Variants in PKN2 observed in about 807,000 individuals in gnomAD.
The protein encoded by PKN2 is serine/threonine-protein kinase N2.
A neutral mutation model predicts 119.1 loss-of-function variants in PKN2; 38 were observed. That is an observed-to-expected ratio of 0.32 (90% confidence interval 0.25 to 0.42). The LOEUF (loss-of-function observed/expected upper bound fraction) is 0.42, where lower values mean the gene tolerates loss of function less well. Ranked by LOEUF, PKN2 falls within the 10% of genes least tolerant of loss-of-function variation. The probability of loss-of-function intolerance (pLI) is 1.00; values close to 1 mark genes in which losing one functional copy is unlikely to be tolerated. For synonymous variants in PKN2, 390 were observed against 384.9 expected (o/e 1.01, Z -0.15); for missense variants, 850 against 1,165.1 (o/e 0.73, Z 3.94).
At chr1:88,699,252 G>T (rs183009414) in intron 1 of PKN2, among the ~76,000 whole-genome samples, 1 of 152,088 alleles carries the variant, frequency 6.6e-6, no homozygotes, top group Admixed American at 6.5e-5. Flanking sequence ...TTGGGAGATT[G>T]CCTTTATTTT....
At chr1:88,808,360 C>CA (rs1671644031) in intron 15 of PKN2, among the ~76,000 whole-genome samples, 2 of 151,974 alleles carry the variant, frequency 1.3e-5, no homozygotes, top group South Asian at 4.1e-4. Flanking sequence ...GGCTGGAGTG[C>CA]AGTGGTGCCA....
intron 6 of PKN2, among the ~76,000 whole-genome samples, chr1:88,772,342 G>A (rs1006913918): frequency 6.6e-6 from 1 of 152,156 alleles, no homozygotes; most frequent in African/African-American, 2.4e-5. Context: ...TTTAATGTCT[G>A]AATAGTATTC....
chr1:88,684,819 C>G (rs1488000196), intron 1 of PKN2, 191 bp downstream of exon 1: 3 of 520,558 alleles, frequency 5.8e-6, no homozygotes, highest in African/African-American at 4.0e-5. Context: ...CCCTCTCCCC[C>G]GCCAAAGCCC....
At chr1:88,755,762 C>A (rs1669172362) in intron 2 of PKN2, among the ~76,000 whole-genome samples, 1 of 152,026 alleles carries the variant, frequency 6.6e-6, no homozygotes, top group Non-Finnish European at 1.5e-5. Flanking sequence ...GGATTTTAAC[C>A]CAGGCATTCT....
intron 2 of PKN2, among the ~76,000 whole-genome samples, chr1:88,756,375 AT>A (rs1270131632): frequency 2.0e-5 from 3 of 152,098 alleles, no homozygotes; most frequent in Non-Finnish European, 2.9e-5. Flanking sequence ...TTGCGACAAA[AT>A]TTTTGCCCTA....
intron 3 of PKN2, among the ~76,000 whole-genome samples, chr1:88,761,926 T>A (rs1016457737): frequency 6.6e-6 from 1 of 152,212 alleles, no homozygotes; most frequent in Non-Finnish European, 1.5e-5. Context: ...ACCTTTTTTT[T>A]AAGTAAATAC....
chr1:88,832,653 C>A, intron 19 of PKN2, 91 bp from the exon 20 acceptor site: 1 of 646,470 alleles, frequency 1.5e-6, no homozygotes. Context: ...TTTTCTTTTT[C>A]ACTGCCTGGA....
At chr1:88,757,671 A>G (rs1669259739) in intron 2 of PKN2, among the ~76,000 whole-genome samples, 2 of 152,084 alleles carry the variant, frequency 1.3e-5, no homozygotes, top group South Asian at 2.1e-4. Flanking sequence ...TTTAGCTTTT[A>G]TAGAAGTAAA....
At chr1:88,711,547 G>T (rs905467221) in intron 1 of PKN2, among the ~76,000 whole-genome samples, 1 of 152,066 alleles carries the variant, frequency 6.6e-6, no homozygotes, top group African/African-American at 2.4e-5. Flanking sequence ...AAATAAGATT[G>T]GGATGAAAAA....
chr1:88,728,602 C>T (rs78178089), intron 1 of PKN2, among the ~76,000 whole-genome samples: 1,530 of 152,044 alleles, frequency 0.01, 21 homozygotes, highest in African/African-American at 0.035. Flanking sequence ...ACTGTACTTT[C>T]GTTGATAAAG....
At chr1:88,783,525 A>T (rs1349108513) in intron 6 of PKN2, among the ~76,000 whole-genome samples, 1 of 152,182 alleles carries the variant, frequency 6.6e-6, no homozygotes, top group Admixed American at 6.5e-5. Flanking sequence ...TACTACTTGG[A>T]TAGAAATATA....
At chr1:88,751,397 CACACA>C (rs1317692651) in intron 2 of PKN2, among the ~76,000 whole-genome samples, 7 of 151,962 alleles carry the variant, frequency 4.6e-5, no homozygotes, top group Non-Finnish European at 1.0e-4. Context: ...CACACACACA[CACACA>C]CCTGACTCTA....
At chr1:88,821,504 G>A (rs978675298) in intron 16 of PKN2, among the ~76,000 whole-genome samples, 28 of 152,020 alleles carry the variant, frequency 1.8e-4, no homozygotes, top group African/African-American at 5.8e-4. Context: ...CTCCTACTTC[G>A]TCCCCAGATA....
chr1:88,774,693 A>G (rs1001863444), intron 6 of PKN2, among the ~76,000 whole-genome samples: 3 of 151,104 alleles, frequency 2.0e-5, no homozygotes, highest in African/African-American at 7.3e-5. Context: ...GTTTTGATTG[A>G]ATTTTTCTAC....
intron 17 of PKN2, among the ~76,000 whole-genome samples, chr1:88,822,615 T>A (rs921007971): frequency 6.0e-5 from 9 of 151,200 alleles, no homozygotes; most frequent in Admixed American, 5.9e-4. Flanking sequence ...GTTTCGCTCT[T>A]GTCACCCAAG....
intron 2 of PKN2, among the ~76,000 whole-genome samples, chr1:88,746,641 T>G (rs978990259): frequency 2.6e-5 from 4 of 152,128 alleles, no homozygotes; most frequent in Non-Finnish European, 4.4e-5. Context: ...AAGGGAAGCC[T>G]TGTGCATTGT....
intron 1 of PKN2, among the ~76,000 whole-genome samples, chr1:88,695,429 G>T (rs1666503997): frequency 6.6e-6 from 1 of 151,926 alleles, no homozygotes; most frequent in Non-Finnish European, 1.5e-5. Flanking sequence ...ATCAATTTGT[G>T]GTTCTTTTGT....
At chr1:88,779,117 T>A (rs1440571005) in intron 6 of PKN2, among the ~76,000 whole-genome samples, 1 of 152,138 alleles carries the variant, frequency 6.6e-6, no homozygotes, top group Non-Finnish European at 1.5e-5. Context: ...CACAATTATT[T>A]GAGAAAAAGA....
At chr1:88,718,603 G>A (rs1477404203) in intron 1 of PKN2, among the ~76,000 whole-genome samples, 1 of 152,042 alleles carries the variant, frequency 6.6e-6, no homozygotes, top group Admixed American at 6.6e-5. Flanking sequence ...AAGTAACATG[G>A]CATTTGAACT....
Sources: allele counts gnomAD v4.1 joint callset (sites outside exome capture counted in the v4.1 genomes callset), GRCh38; gene constraint gnomAD v4.1.1; transcripts MANE v1.5; gene names NCBI Gene and HGNC (gene_info 2026-07-23, HGNC 2026-07-21).